MACROD2: variants seen among roughly 807,000 people sequenced by gnomAD.
The protein encoded by MACROD2 is ADP-ribose glycohydrolase MACROD2.
In MACROD2, 36 loss-of-function variants were observed where a neutral mutation model predicts 70.4. The observed-to-expected ratio is 0.51, with a 90% CI of 0.39 to 0.68. The LOEUF is 0.68. Among genes scored for constraint, MACROD2 ranks in the 30% least tolerant of loss-of-function variants. The pLI, the probability that MACROD2 is intolerant of heterozygous loss-of-function variation, is 0.00. For missense variants in MACROD2, 496 were observed against 538.4 expected (o/e 0.92, Z 0.78); for synonymous variants, 172 against 178.8 (o/e 0.96, Z 0.30).
chr20:14,903,728 T>A (rs966529523), intron 5 of MACROD2, among the ~76,000 whole-genome samples: 1 of 152,036 alleles, frequency 6.6e-6, no homozygotes, highest in African/African-American at 2.4e-5. Flanking sequence ...CTTAACAGAC[T>A]AGCGTAGGTA....
At chr20:14,635,804 C>A (rs535321760) in intron 4 of MACROD2, among the ~76,000 whole-genome samples, 1 of 152,152 alleles carries the variant, frequency 6.6e-6, no homozygotes, top group South Asian at 2.1e-4. Context: ...TTTGAAAAAT[C>A]AAGAAGATAA....
intron 3 of MACROD2, among the ~76,000 whole-genome samples, chr20:14,238,503 A>G (rs1392123508): frequency 6.6e-6 from 1 of 152,332 alleles, no homozygotes; most frequent in South Asian, 2.1e-4. Flanking sequence ...GAACAAGACA[A>G]GGATGCCCAT....
intron 8 of MACROD2, among the ~76,000 whole-genome samples, chr20:15,785,912 A>G (rs1056639379): frequency 2.6e-5 from 4 of 152,230 alleles, no homozygotes; most frequent in Admixed American, 2.0e-4. Flanking sequence ...TGGACATCAT[A>G]TATCACAGAA....
At chr20:14,926,516 C>T (rs2074234133) in intron 5 of MACROD2, among the ~76,000 whole-genome samples, 1 of 151,508 alleles carries the variant, frequency 6.6e-6, no homozygotes, top group African/African-American at 2.4e-5. Context: ...CATCACTGCA[C>T]TCCAGCCTGG....
chr20:15,174,336 A>AT (rs1379225413), intron 5 of MACROD2, among the ~76,000 whole-genome samples: 1 of 152,172 alleles, frequency 6.6e-6, no homozygotes, highest in Non-Finnish European at 1.5e-5. Context: ...TCCAGCACAT[A>AT]TTTTTTAAGT....
At chr20:13,998,283 C>T (rs2052689025) in intron 1 of MACROD2, among the ~76,000 whole-genome samples, 1 of 151,214 alleles carries the variant, frequency 6.6e-6, no homozygotes, top group Admixed American at 6.6e-5. Flanking sequence ...TATTTTGAGT[C>T]CTAATTCAGA....
intron 5 of MACROD2, among the ~76,000 whole-genome samples, chr20:14,770,194 CT>C (rs1368133675): frequency 2.7e-5 from 4 of 150,742 alleles, no homozygotes; most frequent in Admixed American, 6.6e-5. Context: ...GTAGTGTTTA[CT>C]TTTTTTTTCT....
At chr20:14,628,225 G>A (rs1001272409) in intron 4 of MACROD2, among the ~76,000 whole-genome samples, 1 of 152,152 alleles carries the variant, frequency 6.6e-6, no homozygotes, top group Non-Finnish European at 1.5e-5. Context: ...TGGCATCTGT[G>A]GAGTAACTTC....
intron 8 of MACROD2, among the ~76,000 whole-genome samples, chr20:15,535,984 T>C (rs2047869145): frequency 6.6e-6 from 1 of 152,138 alleles, no homozygotes. Flanking sequence ...AAGTAGTAAT[T>C]TGAGGTGTCA....
intron 8 of MACROD2, among the ~76,000 whole-genome samples, chr20:15,548,574 T>G (rs920336618): frequency 2.6e-5 from 4 of 152,126 alleles, no homozygotes; most frequent in Admixed American, 2.6e-4. Context: ...TTTTGTATTT[T>G]TAGTAGAGAT....
At chr20:14,103,554 G>A (rs1356675278) in intron 3 of MACROD2, among the ~76,000 whole-genome samples, 15 of 152,144 alleles carry the variant, frequency 9.9e-5, no homozygotes. Context: ...AAGATAGGAA[G>A]AATGTAAACT....
At chr20:15,105,742 G>T (rs1457979371) in intron 5 of MACROD2, among the ~76,000 whole-genome samples, 1 of 152,082 alleles carries the variant, frequency 6.6e-6, no homozygotes, top group Admixed American at 6.6e-5. Context: ...CAGCAGAAAG[G>T]GGTTGCCTAC....
rs545777994 is a variant in MACROD2 at position 14,526,447 on chromosome 20, A to G, written c.301+32939A>G. On this transcript the variant is annotated intron_variant, in intron 4 of 17. Transcript: ENST00000684519. ...TGTTGTCTTTCAAAATTTCATTTAC[A>G]TTCCGCTCATTCACACTTTTAATTG... 2.6e-3 allele frequency among the ~76,000 whole-genome samples: 395 copies of G among 152,322 alleles called. 3 individuals carry two copies. The highest frequency in any genetic ancestry group is 0.023 in the South Asian group (111 of 4,824).
At chr20:15,271,496 C>T (rs1489262851) in intron 6 of MACROD2, among the ~76,000 whole-genome samples, 1 of 152,154 alleles carries the variant, frequency 6.6e-6, no homozygotes, top group Non-Finnish European at 1.5e-5. Context: ...AAAGCCATGT[C>T]TATCTTATTT....
intron 8 of MACROD2, among the ~76,000 whole-genome samples, chr20:15,703,777 G>A (rs148899938): frequency 5.3e-5 from 8 of 152,280 alleles, no homozygotes; most frequent in South Asian, 2.1e-4. Context: ...TGAATGCACC[G>A]TTGAGCTGGC....
At chr20:15,084,432 G>A (rs1220530183) in intron 5 of MACROD2, among the ~76,000 whole-genome samples, 1 of 152,224 alleles carries the variant, frequency 6.6e-6, no homozygotes, top group East Asian at 1.9e-4. Context: ...TAGCCATGTG[G>A]AGCAGAGTCT....
intron 8 of MACROD2, among the ~76,000 whole-genome samples, chr20:15,577,552 G>GA (rs2048465782): frequency 6.6e-6 from 1 of 152,002 alleles, no homozygotes; most frequent in African/African-American, 2.4e-5. Flanking sequence ...TAAATCGTTG[G>GA]AAAAACCACT....
At chr20:15,917,495 G>T (rs1960631704) in intron 10 of MACROD2, among the ~76,000 whole-genome samples, 1 of 152,160 alleles carries the variant, frequency 6.6e-6, no homozygotes, top group African/African-American at 2.4e-5. Context: ...CTAAATGCTG[G>T]CACCACACAG....
chr20:15,683,095 G>T (rs1037615818), intron 8 of MACROD2, among the ~76,000 whole-genome samples: 1 of 152,118 alleles, frequency 6.6e-6, no homozygotes, highest in Non-Finnish European at 1.5e-5. Flanking sequence ...AAACTAAAAG[G>T]CCATGCATTG....
Sources: allele counts gnomAD v4.1 joint callset (sites outside exome capture counted in the v4.1 genomes callset), GRCh38; gene constraint gnomAD v4.1.1; transcripts MANE v1.5; gene names NCBI Gene and HGNC (gene_info 2026-07-23, HGNC 2026-07-21).